The following SUGCT variants were observed in gnomAD, a reference collection of about 807,000 sequenced individuals.
SUGCT encodes succinyl-CoA:glutarate CoA-transferase.
Under a neutral mutation model 55.0 loss-of-function variants are expected in SUGCT, and 41 were observed. The observed-to-expected ratio is 0.74, with a 90% CI of 0.58 to 0.97. The LOEUF (loss-of-function observed/expected upper bound fraction) is 0.97. SUGCT is among the 50% of genes least tolerant of loss of function. The probability of loss-of-function intolerance (pLI) is 0.00; values close to 1 mark genes in which losing one functional copy is unlikely to be tolerated. For synonymous variants in SUGCT, 187 were observed against 200.4 expected, an observed-to-expected ratio of 0.93 and a Z score of 0.56; for missense variants, 568 against 547.8, an observed-to-expected ratio of 1.04 and a Z score of -0.37.
chr7:40,159,553 T>C (rs984347005), intron 1 of SUGCT, among the ~76,000 whole-genome samples: 1 of 152,016 alleles, frequency 6.6e-6, no homozygotes, highest in Non-Finnish European at 1.5e-5. Context: ...CTTATTTTAG[T>C]AGAGACGAGG....
intron 12 of SUGCT, among the ~76,000 whole-genome samples, chr7:40,497,017 G>A (rs1047767806): frequency 6.6e-6 from 1 of 152,130 alleles, no homozygotes; most frequent in African/African-American, 2.4e-5. Context: ...CATTGTTCAA[G>A]TGATTATTTT....
chr7:40,464,909 T>C (rs1265000265), intron 11 of SUGCT, among the ~76,000 whole-genome samples: 1 of 152,228 alleles, frequency 6.6e-6, no homozygotes, highest in East Asian at 1.9e-4. Context: ...ATAGTTTTAT[T>C]GGGACATAAT....
chr7:41,008,342 C>G, the SUGCT span, among the ~76,000 whole-genome samples: 1 of 152,202 alleles, frequency 6.6e-6, no homozygotes, highest in Non-Finnish European at 1.5e-5. Flanking sequence ...CATCTCAGGT[C>G]TCCACTCGGT....
chr7:40,368,755 A>G (rs1784137957), intron 9 of SUGCT, among the ~76,000 whole-genome samples: 1 of 152,148 alleles, frequency 6.6e-6, no homozygotes, highest in African/African-American at 2.4e-5. Flanking sequence ...GCTGATTTTT[A>G]GAGTAATATG....
At chr7:40,277,370 G>A (rs1387479361) in intron 8 of SUGCT, among the ~76,000 whole-genome samples, 2 of 147,508 alleles carry the variant, frequency 1.4e-5, no homozygotes, top group African/African-American at 5.1e-5. Flanking sequence ...TGTATTTTTT[G>A]GTAGAGACGG....
chr7:40,247,403 C>T (rs1789963381), intron 7 of SUGCT, among the ~76,000 whole-genome samples: 1 of 151,992 alleles, frequency 6.6e-6, no homozygotes, highest in South Asian at 2.1e-4. Flanking sequence ...TCACAGGCAC[C>T]CACCACCATG....
At chr7:40,857,386 C>T (rs1341754020) in intron 13 of SUGCT, among the ~76,000 whole-genome samples, 1 of 152,208 alleles carries the variant, frequency 6.6e-6, no homozygotes, top group East Asian at 1.9e-4. Context: ...GAGATCTTGA[C>T]ATCACTTTAT....
At chr7:40,252,700 T>C (rs1364960577) in intron 7 of SUGCT, among the ~76,000 whole-genome samples, 2 of 152,140 alleles carry the variant, frequency 1.3e-5, no homozygotes, top group East Asian at 3.9e-4. Flanking sequence ...CAGGCTGGAG[T>C]GCAGTGGTGC....
At chr7:40,290,950 A>G (rs1793706933) in intron 8 of SUGCT, among the ~76,000 whole-genome samples, 1 of 152,218 alleles carries the variant, frequency 6.6e-6, no homozygotes, top group Non-Finnish European at 1.5e-5. Context: ...TCAAAACCAC[A>G]ATGAGATACC....
At chr7:40,303,574 C>T (rs925106929) in intron 8 of SUGCT, among the ~76,000 whole-genome samples, 2 of 151,934 alleles carry the variant, frequency 1.3e-5, no homozygotes, top group Non-Finnish European at 2.9e-5. Context: ...ACCTTTGCCT[C>T]CCAGGTTCAA....
chr7:40,549,014 GC>G lies in SUGCT; in HGVS notation c.1089+52630del, dbSNP rs529691785. On this transcript the variant is annotated intron_variant, in intron 12 of 13. Coordinates refer to ENST00000335693, the MANE Select transcript of SUGCT (RefSeq NM_001193313.2). ...GCCCTCACTGAGCTCTTTCCTTGGGGCCTCTATATTCAAGTGGGCATACTCT... is the reference window on the plus strand; with the variant it reads ...GCCCTCACTGAGCTCTTTCCTTGGGGCTCTATATTCAAGTGGGCATACTCT... 2.4e-3 allele frequency among the ~76,000 whole-genome samples: 358 copies of G among 152,198 alleles called. 6 individuals are homozygous for G. The highest frequency in any genetic ancestry group is 5.3e-4 in the Non-Finnish European group (36 of 68,016).
chr7:40,490,298 T>A (rs192438984), intron 11 of SUGCT, among the ~76,000 whole-genome samples: 148 of 152,278 alleles, frequency 9.7e-4, no homozygotes, highest in African/African-American at 3.4e-3. Flanking sequence ...TTTGTATATT[T>A]GTTGCTATGA....
At chr7:40,529,252 C>T (rs191045085) in intron 12 of SUGCT, among the ~76,000 whole-genome samples, 1 of 152,308 alleles carries the variant, frequency 6.6e-6, no homozygotes, top group East Asian at 1.9e-4. Flanking sequence ...TGTAGACCCT[C>T]TTTATAGTGA....
chr7:40,745,443 G>A (rs1056685035), intron 12 of SUGCT, among the ~76,000 whole-genome samples: 1 of 151,648 alleles, frequency 6.6e-6, no homozygotes, highest in Non-Finnish European at 1.5e-5. Context: ...TATTTCCCAC[G>A]TTACTTTAAG....
At chr7:40,755,060 G>A (rs1788187620) in intron 13 of SUGCT, among the ~76,000 whole-genome samples, 1 of 152,188 alleles carries the variant, frequency 6.6e-6, no homozygotes, top group Non-Finnish European at 1.5e-5. Flanking sequence ...GAAACAGGGA[G>A]GGGGCAGGCT....
the SUGCT span, among the ~76,000 whole-genome samples, chr7:41,017,613 AC>A: frequency 2.0e-5 from 3 of 152,052 alleles, no homozygotes; most frequent in Non-Finnish European, 4.4e-5. Context: ...TACTGAAAAT[AC>A]AAAAAACTTA....
chr7:40,795,299 C>T (rs1378254172), intron 13 of SUGCT, among the ~76,000 whole-genome samples: 6 of 152,166 alleles, frequency 3.9e-5, no homozygotes, highest in Admixed American at 3.9e-4. Flanking sequence ...CTCACACTCC[C>T]TTTCTCTTTA....
chr7:40,639,733 G>A (rs181516476), intron 12 of SUGCT, among the ~76,000 whole-genome samples: 1 of 148,812 alleles, frequency 6.7e-6, no homozygotes, highest in African/African-American at 2.5e-5. Context: ...GTCTGTTCTC[G>A]AACTCCTGAC....
chr7:40,413,617 C>T (rs912822983), intron 9 of SUGCT, among the ~76,000 whole-genome samples: 1 of 152,082 alleles, frequency 6.6e-6, no homozygotes, highest in Admixed American at 6.6e-5. Context: ...TGTGAGAAAG[C>T]TCACTCCACA....
Sources: allele counts gnomAD v4.1 joint callset (sites outside exome capture counted in the v4.1 genomes callset), GRCh38; gene constraint gnomAD v4.1.1; transcripts MANE v1.5; gene names NCBI Gene and HGNC (gene_info 2026-07-23, HGNC 2026-07-21).